Variants in ATP8A2 observed in about 807,000 individuals in gnomAD.
ATP8A2 encodes phospholipid-transporting ATPase IB.
ATP8A2 carries 100 observed loss-of-function variants against 165.6 expected under a neutral mutation model. The observed-to-expected ratio is 0.60, with a 90% CI of 0.51 to 0.71. The LOEUF is 0.71. Among genes scored for constraint, ATP8A2 ranks in the 30% least tolerant of loss-of-function variants. The pLI is 0.00. For synonymous variants in ATP8A2, 543 were observed against 548.8 expected (o/e 0.99, Z 0.15); for missense variants, 1,227 against 1,479.5 (o/e 0.83, Z 2.80).
chr13:25,975,591 AAAAG>A (rs1447611334), intron 35 of ATP8A2, among the ~76,000 whole-genome samples: 3 of 152,158 alleles, frequency 2.0e-5, no homozygotes, highest in South Asian at 2.1e-4. Flanking sequence ...CGAAAAAAAA[AAAAG>A]AAGTTTTATT....
chr13:25,501,678 G>A (rs1454637707), intron 2 of ATP8A2, among the ~76,000 whole-genome samples: 1 of 152,218 alleles, frequency 6.6e-6, no homozygotes, highest in African/African-American at 2.4e-5. Context: ...GAAGTCTTCT[G>A]TTATTTATAA....
intron 1 of ATP8A2, among the ~76,000 whole-genome samples, chr13:25,458,106 G>A (rs2035411102): frequency 6.6e-6 from 1 of 152,182 alleles, no homozygotes; most frequent in Non-Finnish European, 1.5e-5. Flanking sequence ...ACTTCCGTCT[G>A]CTTGGAGCCT....
intron 25 of ATP8A2, among the ~76,000 whole-genome samples, chr13:25,710,987 T>C (rs2137977773): frequency 6.6e-6 from 1 of 152,242 alleles, no homozygotes; most frequent in South Asian, 2.1e-4. Context: ...AACAAAGATA[T>C]ATCCTGAGGT....
At chr13:25,958,839 A>C (rs1187263229) in intron 33 of ATP8A2, among the ~76,000 whole-genome samples, 1 of 152,252 alleles carries the variant, frequency 6.6e-6, no homozygotes, top group Non-Finnish European at 1.5e-5. Flanking sequence ...TATTTTCAAC[A>C]AGAGAATTCA....
chr13:26,008,450 G>A (rs1217647462), intron 35 of ATP8A2, among the ~76,000 whole-genome samples: 2 of 151,644 alleles, frequency 1.3e-5, no homozygotes, highest in Non-Finnish European at 1.5e-5. Flanking sequence ...AGAGATTGAG[G>A]GATGTGGAAG....
intron 1 of ATP8A2, among the ~76,000 whole-genome samples, chr13:25,455,570 T>C (rs2035344156): frequency 6.6e-6 from 1 of 152,228 alleles, no homozygotes; most frequent in South Asian, 2.1e-4. Context: ...TCATTGATAT[T>C]AAAAGCCTTT....
intron 33 of ATP8A2, among the ~76,000 whole-genome samples, chr13:25,929,394 T>C (rs1163493639): frequency 6.6e-6 from 1 of 152,148 alleles, no homozygotes; most frequent in African/African-American, 2.4e-5. Flanking sequence ...GCACTGAAAG[T>C]CCTGGGCACC....
At chr13:25,732,685 G>A (rs1173101623) in intron 25 of ATP8A2, among the ~76,000 whole-genome samples, 1 of 152,164 alleles carries the variant, frequency 6.6e-6, no homozygotes, top group Non-Finnish European at 1.5e-5. Context: ...AACACGCTAA[G>A]TGATAACAGA....
chr13:25,393,299 A>T (rs1021161636), intron 1 of ATP8A2, among the ~76,000 whole-genome samples: 1 of 151,690 alleles, frequency 6.6e-6, no homozygotes, highest in Non-Finnish European at 1.5e-5. Context: ...TTGGCTAATT[A>T]TCTTTTATTT....
intron 23 of ATP8A2, among the ~76,000 whole-genome samples, chr13:25,584,358 C>T (rs2039861113): frequency 6.6e-6 from 1 of 152,122 alleles, no homozygotes. Flanking sequence ...AGTCATATAG[C>T]CCTCATACCC....
At chr13:25,734,207 C>T (rs562939906) in intron 25 of ATP8A2, among the ~76,000 whole-genome samples, 155 of 152,312 alleles carry the variant, frequency 1.0e-3, no homozygotes, top group Admixed American at 2.9e-3. Flanking sequence ...TAAAGCATCA[C>T]CCTCCTTCCT....
At chr13:25,623,845 A>T (rs1474455652) in intron 24 of ATP8A2, among the ~76,000 whole-genome samples, 1 of 152,122 alleles carries the variant, frequency 6.6e-6, no homozygotes, top group Non-Finnish European at 1.5e-5. Context: ...TAGATTATAA[A>T]TGCATAAATT....
At chr13:25,854,246 C>A (rs1033539660) in intron 30 of ATP8A2, among the ~76,000 whole-genome samples, 2 of 152,286 alleles carry the variant, frequency 1.3e-5, no homozygotes, top group South Asian at 4.2e-4. Context: ...TCCCAAACAC[C>A]GCTGTTTATC....
intron 33 of ATP8A2, among the ~76,000 whole-genome samples, chr13:25,865,408 T>C (rs905201866): frequency 1.3e-5 from 2 of 152,222 alleles, no homozygotes; most frequent in Non-Finnish European, 2.9e-5. Context: ...GCAAACAGCA[T>C]TTCTCACTCA....
intron 21 of ATP8A2, among the ~76,000 whole-genome samples, chr13:25,579,592 G>A (rs1330627217): frequency 6.6e-6 from 1 of 152,126 alleles, no homozygotes; most frequent in Non-Finnish European, 1.5e-5. Flanking sequence ...GACTTCTCGC[G>A]CACTCTCAGC....
At chr13:25,600,285 T>C (rs1416970133) in intron 24 of ATP8A2, among the ~76,000 whole-genome samples, 1 of 152,174 alleles carries the variant, frequency 6.6e-6, no homozygotes, top group Non-Finnish European at 1.5e-5. Context: ...TTTCTTTGTC[T>C]CCAGCTTTGG....
At chr13:25,594,909 A>G (rs992821384) in intron 24 of ATP8A2, among the ~76,000 whole-genome samples, 2 of 151,910 alleles carry the variant, frequency 1.3e-5, no homozygotes, top group African/African-American at 2.4e-5. Context: ...CACAATTCAC[A>G]GTTGCAAAAA....
intron 1 of ATP8A2, among the ~76,000 whole-genome samples, chr13:25,460,783 T>C (rs2035483081): frequency 6.6e-6 from 1 of 152,254 alleles, no homozygotes; most frequent in African/African-American, 2.4e-5. Flanking sequence ...ACACCTGCAA[T>C]GCTCTGCTTT....
chr13:25,959,417 C>T (rs1413794621), intron 33 of ATP8A2, among the ~76,000 whole-genome samples: 1 of 152,218 alleles, frequency 6.6e-6, no homozygotes, highest in East Asian at 1.9e-4. Flanking sequence ...GCCTGGGACA[C>T]CCCACTGTTT....
Sources: gnomAD v4.1 joint callset for allele counts (sites outside exome capture counted in the v4.1 genomes callset) on GRCh38, gnomAD v4.1.1 for gene constraint, MANE v1.5 for transcripts, NCBI Gene and HGNC (gene_info 2026-07-23, HGNC 2026-07-21) for gene names.